Variants in DLGAP1 observed in about 807,000 individuals in gnomAD.
DLGAP1 encodes DLG associated protein 1, also known as disks large-associated protein 1.
In DLGAP1, 11 loss-of-function variants were observed where a neutral mutation model predicts 90.8. The observed-to-expected ratio is 0.12, with a 90% CI of 0.08 to 0.20. The LOEUF (loss-of-function observed/expected upper bound fraction) is 0.20. Ranked by LOEUF, DLGAP1 falls within the 10% of genes least tolerant of loss-of-function variation. The probability of loss-of-function intolerance (pLI) is 1.00; values close to 1 mark genes in which losing one functional copy is unlikely to be tolerated. For synonymous variants in DLGAP1, 558 were observed against 540.7 expected, an observed-to-expected ratio of 1.03 and a Z score of -0.44; for missense variants, 1,050 against 1,333.8, an observed-to-expected ratio of 0.79 and a Z score of 3.31.
intron 7 of DLGAP1, among the ~76,000 whole-genome samples, chr18:3,642,598 A>G (rs2146330174): frequency 6.6e-6 from 1 of 152,310 alleles, no homozygotes; most frequent in African/African-American, 2.4e-5. Context: ...TACCTTTTCC[A>G]TGCCTTTTTT....
chr18:3,974,434 T>C (rs2073526842), intron 3 of DLGAP1, among the ~76,000 whole-genome samples: 1 of 152,234 alleles, frequency 6.6e-6, no homozygotes, highest in Non-Finnish European at 1.5e-5. Context: ...TTAAATATTT[T>C]CAAAAGAACT....
intron 2 of DLGAP1, among the ~76,000 whole-genome samples, chr18:4,139,069 T>G (rs1477013369): frequency 6.6e-6 from 1 of 152,020 alleles, no homozygotes; most frequent in Non-Finnish European, 1.5e-5. Flanking sequence ...TTTGTTTATA[T>G]TTTTATAAAA....
intron 5 of DLGAP1, among the ~76,000 whole-genome samples, chr18:3,797,023 A>G (rs1021681045): frequency 1.3e-5 from 2 of 152,168 alleles, no homozygotes; most frequent in Admixed American, 6.5e-5. Flanking sequence ...CATGATGGGA[A>G]TAGTGTTCTT....
At chr18:4,315,514 A>G (rs1471863746) in intron 1 of DLGAP1, among the ~76,000 whole-genome samples, 1 of 152,220 alleles carries the variant, frequency 6.6e-6, no homozygotes, top group Non-Finnish European at 1.5e-5. Flanking sequence ...AATTACCTCA[A>G]TTGCTTTCTA....
At chr18:3,687,637 G>C (rs947703923) in intron 7 of DLGAP1, among the ~76,000 whole-genome samples, 5 of 152,108 alleles carry the variant, frequency 3.3e-5, no homozygotes, top group Middle Eastern at 3.4e-3. Context: ...CATCACAATG[G>C]AAAAGTACTT....
At chr18:3,597,769 AAATG>A in intron 7 of DLGAP1, 1 of 157,616 alleles carries the variant, frequency 6.3e-6, no homozygotes. Flanking sequence ...AGAAGAAAGA[AAATG>A]CATCCACCGT....
intron 1 of DLGAP1, among the ~76,000 whole-genome samples, chr18:4,238,291 A>T (rs1327466833): frequency 6.6e-6 from 1 of 152,196 alleles, no homozygotes. Flanking sequence ...ATCTAAATAG[A>T]CATTCCAAAC....
intron 9 of DLGAP1, among the ~76,000 whole-genome samples, chr18:3,538,600 A>C (rs1051185906): frequency 2.6e-5 from 4 of 152,190 alleles, no homozygotes; most frequent in African/African-American, 9.7e-5. Flanking sequence ...CTCCAGCTGC[A>C]TATGTGTGAA....
At chr18:4,294,755 G>A (rs2079934538) in intron 1 of DLGAP1, 1 of 152,356 alleles carries the variant, frequency 6.6e-6, no homozygotes, top group Admixed American at 6.5e-5. Flanking sequence ...CATCCAGGAA[G>A]AATCAGGTGA....
intron 3 of DLGAP1, among the ~76,000 whole-genome samples, chr18:3,895,319 A>ATCATCAT (rs1555703518): frequency 2.0e-5 from 3 of 148,458 alleles, no homozygotes; most frequent in Admixed American, 6.7e-5. Flanking sequence ...ACACACACAC[A>ATCATCAT]CATCATCATC....
chr18:4,205,992 G>A lies in DLGAP1; in HGVS notation c.-266-54705C>T, dbSNP rs908598490. Among the ~76,000 whole-genome samples, 3 of 152,288 alleles carry A rather than the reference G, an allele frequency of 2.0e-5. 1 individual carries two copies. The South Asian group carries it at 6.2e-4, about 32-fold the overall frequency. ...GAAACTTTAACTATGGGGAGGTGGAGAGAGTTGCCTATTTCAGAAGATTTC... is the reference window on the plus strand; with the variant it reads ...GAAACTTTAACTATGGGGAGGTGGAAAGAGTTGCCTATTTCAGAAGATTTC... On this transcript the variant is annotated intron_variant, in intron 1 of 12. Coordinates refer to ENST00000315677, the MANE Select transcript of DLGAP1 (RefSeq NM_004746.4).
intron 1 of DLGAP1, among the ~76,000 whole-genome samples, chr18:4,250,109 AGGCAG>A (rs1418222353): frequency 5.3e-5 from 8 of 152,132 alleles, no homozygotes; most frequent in Admixed American, 2.6e-4. Flanking sequence ...AGTTTGTTGG[AGGCAG>A]GGCAGGGCAG....
chr18:4,284,336 G>A (rs1477331047), intron 1 of DLGAP1, among the ~76,000 whole-genome samples: 1 of 152,224 alleles, frequency 6.6e-6, no homozygotes, highest in Middle Eastern at 3.4e-3. Context: ...GGGTGGGAAG[G>A]TGGAATGGGA....
chr18:4,283,461 G>C (rs912538173), intron 1 of DLGAP1, among the ~76,000 whole-genome samples: 1 of 151,940 alleles, frequency 6.6e-6, no homozygotes, highest in Admixed American at 6.6e-5. Flanking sequence ...ACCACCAATG[G>C]GTAAAGGGCC....
intron 7 of DLGAP1, among the ~76,000 whole-genome samples, chr18:3,587,174 C>T (rs1322033345): frequency 6.6e-6 from 1 of 152,170 alleles, no homozygotes; most frequent in African/African-American, 2.4e-5. Context: ...CCTGCCTCAG[C>T]CTCTGGAGTA....
chr18:4,240,922 T>C (rs1012150411), intron 1 of DLGAP1, among the ~76,000 whole-genome samples: 12 of 152,204 alleles, frequency 7.9e-5, no homozygotes, highest in African/African-American at 2.9e-4. Context: ...AAAACAAATA[T>C]AGCACAAGAT....
chr18:4,435,124 T>C (rs1218197115), intron 1 of DLGAP1, among the ~76,000 whole-genome samples: 1 of 152,140 alleles, frequency 6.6e-6, no homozygotes, highest in Admixed American at 6.5e-5. Flanking sequence ...GAGAATAGTT[T>C]GGAGGAGGAT....
At chr18:3,510,817 C>T (rs533218457) in intron 10 of DLGAP1, among the ~76,000 whole-genome samples, 1 of 152,226 alleles carries the variant, frequency 6.6e-6, no homozygotes, top group Non-Finnish European at 1.5e-5. Context: ...TAATAGACTG[C>T]CATAATAAAA....
At chr18:4,290,879 C>T (rs536132052) in intron 1 of DLGAP1, among the ~76,000 whole-genome samples, 21 of 152,196 alleles carry the variant, frequency 1.4e-4, no homozygotes, top group Admixed American at 1.3e-3. Context: ...TTCTGGCCAC[C>T]TTGATGTGAA....
Sources: allele counts gnomAD v4.1 joint callset (sites outside exome capture counted in the v4.1 genomes callset), GRCh38; gene constraint gnomAD v4.1.1; transcripts MANE v1.5; gene names NCBI Gene and HGNC (gene_info 2026-07-23, HGNC 2026-07-21).